The following EXTL3 variants were observed in gnomAD, a reference collection of about 807,000 sequenced individuals.
The protein encoded by EXTL3 is exostosin-like 3.
EXTL3 carries 27 observed loss-of-function variants against 69.3 expected under a neutral mutation model. The observed-to-expected ratio is 0.39, with a 90% CI of 0.29 to 0.54. The LOEUF (loss-of-function observed/expected upper bound fraction) is 0.54. Among genes scored for constraint, EXTL3 ranks in the 20% least tolerant of loss-of-function variants. The pLI is 0.69. For synonymous variants in EXTL3, 511 were observed against 499.4 expected (o/e 1.02, Z -0.31); for missense variants, 1,003 against 1,231.8 (o/e 0.81, Z 2.78).
intron 1 of EXTL3, among the ~76,000 whole-genome samples, chr8:28,631,861 G>A (rs1245804594): frequency 6.7e-6 from 1 of 148,150 alleles, no homozygotes; most frequent in Non-Finnish European, 1.5e-5. Context: ...AGGCCGAGTT[G>A]GGTGGATCAC....
upstream of EXTL3, among the ~76,000 whole-genome samples, chr8:28,698,917 C>CG (rs1800727318): frequency 6.6e-6 from 1 of 152,134 alleles, no homozygotes; most frequent in African/African-American, 2.4e-5. Flanking sequence ...CACTTGAACC[C>CG]GGGAGGCAGA....
rs150342301 is a variant in EXTL3 at position 28,656,883 on chromosome 8, G to GTCTTTCTTTCTTTCTT, written c.-53+34086_-53+34101dup. Among the ~76,000 whole-genome samples, 813 of 151,366 alleles carry GTCTTTCTTTCTTTCTT rather than the reference G, an allele frequency of 5.4e-3. 2 individuals are homozygous for GTCTTTCTTTCTTTCTT. The highest frequency in any genetic ancestry group is 8.8e-3 in the Non-Finnish European group (599 of 67,744). Reference sequence around the variant, plus strand: ...ATGAATGTGACCATTATTATGGTTGGTCTTTCTTTCTTTCTTTCTTTCTTT... The same window carrying GTCTTTCTTTCTTTCTT: ...ATGAATGTGACCATTATTATGGTTGGTCTTTCTTTCTTTCTTTCTTTCTTTCTTTCTTTCTTTCTTT... On this transcript the variant is annotated intron_variant, in intron 1 of 6. Transcript: ENST00000523149.
chr8:28,644,217 CATTT>C (rs1165145018), intron 1 of EXTL3, among the ~76,000 whole-genome samples: 1 of 151,790 alleles, frequency 6.6e-6, no homozygotes, highest in Non-Finnish European at 1.5e-5. Flanking sequence ...GGATGTGATT[CATTT>C]ATTTAGGGTA....
intron 1 of EXTL3, among the ~76,000 whole-genome samples, chr8:28,679,325 A>G (rs545107990): frequency 7.1e-4 from 108 of 152,286 alleles, no homozygotes; most frequent in African/African-American, 2.4e-3. Flanking sequence ...GCGTGCCTGT[A>G]GTCCCAGCTA....
At chr8:28,718,845 G>T (rs1338035467) in intron 3 of EXTL3, among the ~76,000 whole-genome samples, 1 of 152,188 alleles carries the variant, frequency 6.6e-6, no homozygotes. Context: ...AGGGTGTCTT[G>T]TAGGTTCTTT....
At chr8:28,607,927 ACC>A (rs1240444812) in intron 2 of EXTL3, among the ~76,000 whole-genome samples, 24 of 151,258 alleles carry the variant, frequency 1.6e-4, no homozygotes, top group Non-Finnish European at 2.6e-4. Flanking sequence ...CCTGGCTAAC[ACC>A]ATGAAACCCC....
At chr8:28,739,159 TC>T in intron 5 of EXTL3, among the ~76,000 whole-genome samples, 1 of 152,272 alleles carries the variant, frequency 6.6e-6, no homozygotes, top group South Asian at 2.1e-4. Flanking sequence ...TTTCATTGTT[TC>T]CAGCATATCT....
intron 1 of EXTL3, among the ~76,000 whole-genome samples, chr8:28,641,319 T>C (rs979130635): frequency 3.3e-5 from 5 of 152,210 alleles, no homozygotes; most frequent in African/African-American, 1.2e-4. Context: ...GGACTCACTG[T>C]TAACTTCACA....
intron 1 of EXTL3, chr8:28,710,465 G>A (rs1438612737): frequency 2.2e-6 from 1 of 456,148 alleles, no homozygotes; most frequent in Non-Finnish European, 4.4e-6. Flanking sequence ...GCACAGCATG[G>A]GTGAGAACGC....
At chr8:28,639,968 T>C (rs1480915032) in intron 1 of EXTL3, among the ~76,000 whole-genome samples, 1 of 152,134 alleles carries the variant, frequency 6.6e-6, no homozygotes, top group Non-Finnish European at 1.5e-5. Context: ...AGTGTGGTGG[T>C]GCATGCTTGT....
chr8:28,666,702 A>C (rs1807202716), intron 1 of EXTL3, among the ~76,000 whole-genome samples: 1 of 152,078 alleles, frequency 6.6e-6, no homozygotes, highest in Non-Finnish European at 1.5e-5. Context: ...CAGCCTCCCC[A>C]GTAGCTGGGA....
At chr8:28,713,903 CTTTTTTTTTT>C (rs55737430) in intron 2 of EXTL3, among the ~76,000 whole-genome samples, 31 of 113,786 alleles carry the variant, frequency 2.7e-4, no homozygotes, top group South Asian at 2.1e-3. Flanking sequence ...TTCTTTCTTT[CTTTTTTTTTT>C]TTTTTTTTTT....
chr8:28,697,688 G>C (rs1800706405), upstream of EXTL3: 1 of 151,998 alleles, frequency 6.6e-6, no homozygotes, highest in Admixed American at 6.6e-5. Flanking sequence ...TAAATTAGCT[G>C]GGCATGGTGG....
chr8:28,612,369 G>A (rs1244121784), intron 2 of EXTL3, among the ~76,000 whole-genome samples: 10 of 151,610 alleles, frequency 6.6e-5, no homozygotes, highest in African/African-American at 1.7e-4. Context: ...CAGCAGAATC[G>A]CTTGAACCTG....
At chr8:28,618,193 T>C (rs918370720), upstream of EXTL3, among the ~76,000 whole-genome samples, 2 of 152,194 alleles carry the variant, frequency 1.3e-5, no homozygotes, top group East Asian at 1.9e-4. Context: ...AAGCCGGGCA[T>C]GGTGGCTCAC....
chr8:28,630,870 A>G (rs1480755640), intron 1 of EXTL3, among the ~76,000 whole-genome samples: 2 of 152,266 alleles, frequency 1.3e-5, no homozygotes, highest in South Asian at 2.1e-4. Context: ...CAGGAAATGT[A>G]TGCAGAAAGA....
chr8:28,727,764 C>G (rs544053662), intron 3 of EXTL3, among the ~76,000 whole-genome samples: 2 of 152,200 alleles, frequency 1.3e-5, no homozygotes, highest in African/African-American at 4.8e-5. Flanking sequence ...TGCTTCTCCC[C>G]ATTTAATGTG....
intron 3 of EXTL3, among the ~76,000 whole-genome samples, chr8:28,727,116 C>A (rs1229075499): frequency 6.6e-6 from 1 of 151,962 alleles, no homozygotes; most frequent in Admixed American, 6.6e-5. Context: ...GAACTCCTGA[C>A]CTCAGGTGAT....
chr8:28,717,044 A>G lies in EXTL3; in HGVS notation c.985A>G (p.Met329Val), dbSNP rs764313100. The G allele has an allele frequency of 2.5e-6, 4 of 1,614,136 alleles. No individual in the cohort carries two copies. Among genetic ancestry groups the G allele is most frequent in the Non-Finnish European group, 3.4e-6 (4 of 1,180,022 alleles). ...CCATGCCATGTCTGAGCCCAACTTC[A>G]TGGAAATCCCACCACAGGTGCCGGT... is the stretch of plus-strand genomic sequence containing the variant. Reference protein sequence around the residue: ...LVHAMSEPNFMEIPPQVPVKR... With the variant: ...LVHAMSEPNFVEIPPQVPVKR... Residue 329 changes from methionine to valine, a missense_variant, in exon 3 of 7, where the codon ATG (methionine) becomes GTG (valine). By Grantham distance (21) the Met-to-Val change is conservative. This residue lies in a region of EXTL3 where 742 missense variants were observed against 815.4 expected (regional missense o/e 0.91). Transcript: ENST00000220562. This position sits in a 1 kb window ranked among gnomAD's most constrained non-coding sequence, Gnocchi z 8.3.
Sources: gnomAD v4.1 joint callset for allele counts (sites outside exome capture counted in the v4.1 genomes callset) on GRCh38, gnomAD v4.1.1 for gene constraint, gnomAD v4.1.1 regional missense constraint, Gnocchi (gnomAD v3.1) non-coding constraint, MANE v1.5 for transcripts, NCBI Gene and HGNC (gene_info 2026-07-23, HGNC 2026-07-21) for gene names.